The following TSGA10IP variants were observed in gnomAD, a reference collection of about 807,000 sequenced individuals.
The protein encoded by TSGA10IP is testis-specific protein 10-interacting protein.
A neutral mutation model predicts 63.2 loss-of-function variants in TSGA10IP; 64 were observed. The ratio of observed to expected loss-of-function variants is 1.01; its 90% CI spans 0.83 to 1.25. The LOEUF (loss-of-function observed/expected upper bound fraction) is 1.25. Among genes scored for constraint, TSGA10IP ranks in the 50% most tolerant of loss-of-function variants. The probability of loss-of-function intolerance (pLI) is 0.00; values close to 1 mark genes in which losing one functional copy is unlikely to be tolerated. For synonymous variants in TSGA10IP, 316 were observed against 298.3 expected, an observed-to-expected ratio of 1.06 and a Z score of -0.61; for missense variants, 681 against 710.1, an observed-to-expected ratio of 0.96 and a Z score of 0.47.
chr11:65,957,701 G>A (rs1371676705), intron 5 of TSGA10IP, among the ~76,000 whole-genome samples: 1 of 152,182 alleles, frequency 6.6e-6, no homozygotes, highest in South Asian at 2.1e-4. Context: ...CAATCGCTGA[G>A]GTCCCAGTAC....
chr11:65,947,954 G>A lies in TSGA10IP; in HGVS notation c.1004-47G>A, dbSNP rs887376876. 3.3e-6 allele frequency: 5 copies of A among 1,534,316 alleles called. No homozygotes were observed. The African/African-American group carries it at 5.5e-5, about 17-fold the overall frequency. On this transcript the variant is annotated intron_variant, in intron 3 of 7. Coordinates refer to ENST00000532620, the Ensembl canonical transcript of TSGA10IP. Reference sequence around the variant, plus strand: ...GGGTGCTGGGGGGCGTTGCCTGGTGGGCTGAGAGGGAGAGGGCAGCCCCTG... The same window carrying A: ...GGGTGCTGGGGGGCGTTGCCTGGTGAGCTGAGAGGGAGAGGGCAGCCCCTG...
chr11:65,946,740 G>T, intron 1 of TSGA10IP, 140 bp from the exon 2 acceptor site: 3 of 927,186 alleles, frequency 3.2e-6, no homozygotes, highest in East Asian at 2.7e-5. Context: ...AGCCCTGTTT[G>T]GTTGGTTTTT....
chr11:65,947,986 T>G lies in TSGA10IP; in HGVS notation c.1004-15T>G. On this transcript the variant is annotated splice_polypyrimidine_tract_variant and intron_variant, in intron 3 of 7. Transcript: ENST00000532620. Reference sequence around the variant, plus strand: ...AGGGAGAGGGCAGCCCCTGACTTGGTCCCACTGTGGGCAGGCCCCCAAAAG... The same window carrying G: ...AGGGAGAGGGCAGCCCCTGACTTGGGCCCACTGTGGGCAGGCCCCCAAAAG... 6.4e-7 allele frequency: 1 copy of G among 1,554,512 alleles called. No individual in the cohort carries two copies. Among genetic ancestry groups the G allele is most frequent in the Non-Finnish European group, 8.7e-7 (1 of 1,148,972 alleles).
intron 4 of TSGA10IP, among the ~76,000 whole-genome samples, chr11:65,952,140 C>T (rs536949597): frequency 3.9e-5 from 6 of 152,260 alleles, no homozygotes; most frequent in Admixed American, 1.3e-4. Flanking sequence ...AGGCAACAGC[C>T]GTCGCGCCTG....
intron 5 of TSGA10IP, among the ~76,000 whole-genome samples, chr11:65,957,186 C>G (rs1855038745): frequency 1.3e-5 from 2 of 152,042 alleles, no homozygotes; most frequent in South Asian, 4.1e-4. Context: ...AAGTCTCGCT[C>G]TGTCGCCAGG....
exon 7 of TSGA10IP, chr11:65,959,298 A>G: frequency 1.9e-6 from 3 of 1,611,168 alleles, no homozygotes; most frequent in Non-Finnish European, 2.5e-6. Context: ...CAGAGAGGGC[A>G]CCCCCAGGAA....
intron 7 of TSGA10IP, 137 bp from the exon 8 acceptor site, chr11:65,959,680 A>G (rs1855082454): frequency 7.9e-7 from 1 of 1,265,790 alleles, no homozygotes; most frequent in African/African-American, 1.5e-5. Context: ...GGAAAGTGAG[A>G]CTCGAGAAGA....
intron 1 of TSGA10IP, among the ~76,000 whole-genome samples, 197 bp from the exon 2 acceptor site, chr11:65,946,683 C>T (rs747378965): frequency 2.0e-5 from 3 of 152,206 alleles, no homozygotes; most frequent in African/African-American, 7.2e-5. Context: ...GATCCGCCCC[C>T]CTTGGCCTCC....
At chr11:65,955,142 G>A (rs932644766) in intron 5 of TSGA10IP, among the ~76,000 whole-genome samples, 1 of 152,168 alleles carries the variant, frequency 6.6e-6, no homozygotes, top group Non-Finnish European at 1.5e-5. Flanking sequence ...CTCCCTCCAA[G>A]GCAGGAATTT....
chr11:65,947,860 C>A, intron 3 of TSGA10IP, 32 bp downstream of exon 3: 1 of 1,521,792 alleles, frequency 6.6e-7, no homozygotes, highest in Non-Finnish European at 8.8e-7. Context: ...TGGATTCCCC[C>A]GAAGCTACAC....
chr11:65,958,040 A>G (rs1213636409), intron 5 of TSGA10IP, among the ~76,000 whole-genome samples: 1 of 152,016 alleles, frequency 6.6e-6, no homozygotes, highest in Non-Finnish European at 1.5e-5. Flanking sequence ...TGTAGCCTAG[A>G]CCTCCGAGGC....
intron 6 of TSGA10IP, 63 bp downstream of exon 6, chr11:65,959,045 G>T (rs1855073094): frequency 2.5e-6 from 4 of 1,590,672 alleles, no homozygotes; most frequent in Non-Finnish European, 3.4e-6. Context: ...GAGTGGGTAG[G>T]GAAGCAGGAT....
chr11:65,954,332 AT>A (rs35473847), intron 5 of TSGA10IP, among the ~76,000 whole-genome samples: 343 of 142,150 alleles, frequency 2.4e-3, no homozygotes, highest in Middle Eastern at 7.2e-3. Flanking sequence ...CGCCCGGCTA[AT>A]TTTTTTTTTT....
intron 4 of TSGA10IP, among the ~76,000 whole-genome samples, chr11:65,951,582 G>C (rs1854943930): frequency 1.3e-5 from 2 of 148,336 alleles, no homozygotes; most frequent in African/African-American, 5.0e-5. Flanking sequence ...CTGTCGCCCA[G>C]GCTAGAGTGC....
At position 65,958,865 on chromosome 11, in the gene TSGA10IP, G is replaced by C. The variant is rs1332481721; in HGVS notation, c.1323-18G>C. ...TTGTGTCCATGGTTAGCTGCACAAA[G>C]GCCTGTCTCCCCTGCAGGCGCCAGG... On this transcript the variant is annotated intron_variant, in intron 5 of 7. Transcript: ENST00000532620. 3.1e-6 allele frequency: 5 copies of C among 1,605,514 alleles called. No homozygotes were observed. The highest frequency in any genetic ancestry group is 4.3e-6 in the Non-Finnish European group (5 of 1,175,450).
At chr11:65,946,802 G>A in intron 1 of TSGA10IP, 78 bp from the exon 2 acceptor site, 3 of 1,508,528 alleles carry the variant, frequency 2.0e-6, no homozygotes, top group South Asian at 2.5e-5. Context: ...GGTGCACAGA[G>A]GGAGCACCCG....
chr11:65,957,570 C>G (rs1373026009), intron 5 of TSGA10IP, among the ~76,000 whole-genome samples: 1 of 152,324 alleles, frequency 6.6e-6, no homozygotes, highest in Non-Finnish European at 1.5e-5. Flanking sequence ...ACTTGTGTTC[C>G]GGGCCATGGG....
chr11:65,953,463 A>C, intron 4 of TSGA10IP, 104 bp from the exon 5 acceptor site: 2 of 1,427,570 alleles, frequency 1.4e-6, no homozygotes. Context: ...TGGACACTGC[A>C]GCCCCTCCCC....
intron 5 of TSGA10IP, among the ~76,000 whole-genome samples, chr11:65,957,682 G>C (rs1451750263): frequency 6.6e-6 from 1 of 152,166 alleles, no homozygotes; most frequent in East Asian, 1.9e-4. Flanking sequence ...TTTTCCACCG[G>C]GCCCAGCACA....
Sources: allele counts gnomAD v4.1 joint callset (sites outside exome capture counted in the v4.1 genomes callset), GRCh38; gene constraint gnomAD v4.1.1; transcripts MANE v1.5; gene names NCBI Gene and HGNC (gene_info 2026-07-23, HGNC 2026-07-21).